Variants in NID1 observed in about 807,000 individuals in gnomAD.
The protein encoded by NID1 is nidogen-1.
Under a neutral mutation model 130.6 loss-of-function variants are expected in NID1, and 76 were observed. The ratio of observed to expected loss-of-function variants is 0.58; its 90% CI spans 0.48 to 0.70. The LOEUF (loss-of-function observed/expected upper bound fraction) is 0.70, where lower values mean the gene tolerates loss of function less well. Among genes scored for constraint, NID1 ranks in the 30% least tolerant of loss-of-function variants. NID1 has a pLI of 0.00. For synonymous variants in NID1, 665 were observed against 675.1 expected (o/e 0.98, Z 0.23); for missense variants, 1,517 against 1,664.8 (o/e 0.91, Z 1.54).
chr1:235,991,687 G>A (rs1171997580), intron 13 of NID1, among the ~76,000 whole-genome samples: 1 of 151,934 alleles, frequency 6.6e-6, no homozygotes, highest in Non-Finnish European at 1.5e-5. Context: ...TTAGGCACTG[G>A]TGCTAGAGGA....
chr1:235,991,079 G>A (rs1224157355), intron 13 of NID1, 21 bp from the exon 14 acceptor site: 2 of 1,555,272 alleles, frequency 1.3e-6, no homozygotes, highest in East Asian at 2.3e-5. Context: ...GAGGGGGTCA[G>A]TGAGGGAGGC....
In NID1 at chr1:236,029,570, A is replaced by G; in HGVS notation, c.1718T>C (p.Leu573Pro). 1.3e-6 allele frequency: 2 copies of G among 1,566,530 alleles called. No homozygotes were observed. Among genetic ancestry groups the G allele is most frequent in the Non-Finnish European group, 1.7e-6 (2 of 1,155,666 alleles). Residue 573 changes from leucine to proline, a missense_variant, in exon 7 of 20, where the codon CTG (leucine) becomes CCG (proline). Transcript: ENST00000264187. Reference protein sequence around the residue: ...SSVHIEPYTELYHYSTSVITS... With the variant: ...SSVHIEPYTEPYHYSTSVITS... ...CTCACCTGAGGTGGAGTAGTGGTAC[A>G]GCTCCGTGTAGGGCTCAATGTGCAC...
intron 9 of NID1, among the ~76,000 whole-genome samples, chr1:236,018,179 A>G (rs1658657143): frequency 6.6e-6 from 1 of 152,180 alleles, no homozygotes; most frequent in South Asian, 2.1e-4. Flanking sequence ...TGGAGCAAAC[A>G]AACATAGGCT....
At position 235,981,713 on chromosome 1, in the gene NID1, A is replaced by G; in HGVS notation, c.3125T>C (p.Leu1042Pro). Residue 1042 changes from leucine to proline, a missense_variant, in exon 16 of 20, where the codon CTG becomes CCG. By Grantham distance (98) the Leu-to-Pro change is moderately conservative. Coordinates refer to ENST00000264187, the MANE Select transcript of NID1 (RefSeq NM_002508.3). ...CAGCTTCGCCACTTCTATTCGATCC[A>G]GGTTAGAGTCTGTCCAGAAGATGTT... Reference protein sequence around the residue: ...GRNIFWTDSNLDRIEVAKLDG... With the variant: ...GRNIFWTDSNPDRIEVAKLDG... 1.2e-6 allele frequency: 2 copies of G among 1,614,250 alleles called. No individual in the cohort carries two copies. Among genetic ancestry groups the G allele is most frequent in the Non-Finnish European group, 1.7e-6 (2 of 1,180,034 alleles).
At chr1:236,008,626 G>C (rs960421568) in intron 12 of NID1, among the ~76,000 whole-genome samples, 9 of 151,614 alleles carry the variant, frequency 5.9e-5, no homozygotes, top group Admixed American at 5.3e-4. Flanking sequence ...TCAACCTCCT[G>C]AGTAACTGGG....
At chr1:235,981,836 A>G in intron 15 of NID1, 54 bp from the exon 16 acceptor site, 2 of 1,518,376 alleles carry the variant, frequency 1.3e-6, no homozygotes, top group South Asian at 1.3e-5. Flanking sequence ...AGCAGCTGAG[A>G]TGAGGTTTTT....
chr1:236,009,885 C>CAATATCTA (rs1257354345), intron 12 of NID1, among the ~76,000 whole-genome samples: 1 of 152,114 alleles, frequency 6.6e-6, no homozygotes, highest in Non-Finnish European at 1.5e-5. Context: ...GAACAAGATC[C>CAATATCTA]AATATCTAAA....
chr1:236,041,597 C>T (rs1659451997), intron 4 of NID1, among the ~76,000 whole-genome samples: 1 of 152,148 alleles, frequency 6.6e-6, no homozygotes, highest in Non-Finnish European at 1.5e-5. Flanking sequence ...GAAAATCTGA[C>T]TTTCAAAACA....
At chr1:235,991,120 C>CAT (rs1190595616) in intron 13 of NID1, 62 bp from the exon 14 acceptor site, 1 of 1,380,980 alleles carries the variant, frequency 7.2e-7, no homozygotes, top group African/African-American at 1.5e-5. Flanking sequence ...CAGATGCACA[C>CAT]ACACACACCC....
rs16833183 is a variant in NID1, at chr1:236,042,140, C to T, written c.905G>A (p.Arg302His). The T allele has an allele frequency of 4.1e-3, 6,619 of 1,614,082 alleles. 243 individuals are homozygous for T. The African/African-American group carries it at 0.077, about 19-fold the overall frequency. Residue 302 changes from arginine to histidine, a missense_variant, in exon 4 of 20, where the codon CGT becomes CAT. Around this residue, in one of 3 missense-constraint regions of NID1, gnomAD observed 1,329 missense variants for 1,429.2 expected, o/e 0.93. Transcript: ENST00000264187. ...GGTGCCCACATCCTCCAGGCCCAGA[C>T]GAGTGGTCGCCAGGTCATAATCTTC... ...EDEDYDLATT[R>H]LGLEDVGTTP...
chr1:236,036,117 G>T (rs950836511), intron 5 of NID1, among the ~76,000 whole-genome samples: 6 of 152,154 alleles, frequency 3.9e-5, no homozygotes, highest in African/African-American at 1.2e-4. Flanking sequence ...AGGCTAAGAG[G>T]TTGCTCTTTA....
intron 9 of NID1, among the ~76,000 whole-genome samples, chr1:236,018,088 T>C (rs1244543740): frequency 6.6e-6 from 1 of 152,234 alleles, no homozygotes; most frequent in African/African-American, 2.4e-5. Context: ...AGGGAAGTCA[T>C]TCACTCATGA....
chr1:235,980,467 G>C, intron 17 of NID1, 29 bp downstream of exon 17: 1 of 1,612,408 alleles, frequency 6.2e-7, no homozygotes. Flanking sequence ...ATTGAGACCC[G>C]CCCTGGACAG....
chr1:236,019,816 C>T (rs1417995443), intron 9 of NID1, among the ~76,000 whole-genome samples: 1 of 151,990 alleles, frequency 6.6e-6, no homozygotes, highest in African/African-American at 2.4e-5. Context: ...CTGAGGCAGG[C>T]AGATCACCTG....
chr1:236,057,994 C>T (rs925935740), intron 1 of NID1, among the ~76,000 whole-genome samples: 1 of 152,140 alleles, frequency 6.6e-6, no homozygotes, highest in Admixed American at 6.5e-5. Flanking sequence ...ACGTTCCTTG[C>T]TGTATTGATC....
intron 12 of NID1, among the ~76,000 whole-genome samples, chr1:235,998,904 G>A (rs867195977): frequency 2.0e-5 from 3 of 152,006 alleles, no homozygotes. Flanking sequence ...CACAGCACTG[G>A]TTGGTGGCTC....
intron 5 of NID1, among the ~76,000 whole-genome samples, chr1:236,033,534 C>T (rs1399695146): frequency 6.6e-6 from 1 of 152,162 alleles, no homozygotes; most frequent in African/African-American, 2.4e-5. Context: ...ACAGAGTCAC[C>T]GCCCAGGCTA....
At chr1:235,983,575 G>A (rs1657496440) in intron 15 of NID1, among the ~76,000 whole-genome samples, 1 of 152,176 alleles carries the variant, frequency 6.6e-6, no homozygotes, top group Non-Finnish European at 1.5e-5. Context: ...AGGCTGCTCT[G>A]TGAGAGCATC....
rs940146583 is a variant in NID1 at position 236,032,502 on chromosome 1, G to A, written c.1436C>T (p.Thr479Ile). Residue 479 changes from threonine to isoleucine, a missense_variant, in exon 6 of 20, where the codon ACC becomes ATC. Physicochemically the swap from Thr to Ile is moderately conservative, Grantham distance 89 (BLOSUM62 -1). Transcript: ENST00000264187. ...SYTAISTIPE[T>I]VGYSLLPLAP... Reference sequence around the variant, plus strand: ...CAGTGGAAGCAGAGAATATCCAACGGTCTCGGGAATGGTGCTGATGGCTGT... The same window carrying A: ...CAGTGGAAGCAGAGAATATCCAACGATCTCGGGAATGGTGCTGATGGCTGT... 2.5e-6 allele frequency: 4 copies of A among 1,614,060 alleles called. No individual in the cohort carries two copies. The highest frequency in any genetic ancestry group is 2.2e-5 in the South Asian group (2 of 91,082).
Sources: allele counts gnomAD v4.1 joint callset (sites outside exome capture counted in the v4.1 genomes callset), GRCh38; gene constraint gnomAD v4.1.1; regional missense constraint gnomAD v4.1.1; transcripts MANE v1.5; gene names NCBI Gene and HGNC (gene_info 2026-07-23, HGNC 2026-07-21).